The following SGCZ variants were observed in gnomAD, a reference collection of about 807,000 sequenced individuals.
The protein encoded by SGCZ is zeta-sarcoglycan.
In SGCZ, 40 loss-of-function variants were observed where a neutral mutation model predicts 41.3. That is an observed-to-expected ratio of 0.97 (90% CI 0.75 to 1.26). The LOEUF (loss-of-function observed/expected upper bound fraction) is 1.26, where lower values mean the gene tolerates loss of function less well. Ranked by LOEUF, SGCZ falls within the 50% of genes most tolerant of loss-of-function variation. The pLI, the probability that SGCZ is intolerant of heterozygous loss-of-function variation, is 0.00. For synonymous variants in SGCZ, 206 were observed against 137.5 expected, an observed-to-expected ratio of 1.50 and a Z score of -3.49; for missense variants, 552 against 369.8, an observed-to-expected ratio of 1.49 and a Z score of -4.04.
chr8:15,110,934 C>T (rs1055258954), intron 1 of SGCZ, among the ~76,000 whole-genome samples: 1 of 152,066 alleles, frequency 6.6e-6, no homozygotes, highest in African/African-American at 2.4e-5. Context: ...CGCCATTGCA[C>T]TCCAGTCTGG....
intron 1 of SGCZ, among the ~76,000 whole-genome samples, chr8:14,742,310 C>T (rs7010682): frequency 0.35 from 52,907 of 151,826 alleles, 10,932 homozygotes; most frequent in African/African-American, 0.57. Flanking sequence ...CGTGCACGCG[C>T]GCTCACACAC....
chr8:14,790,510 G>A (rs1380654818), intron 1 of SGCZ, among the ~76,000 whole-genome samples: 1 of 152,046 alleles, frequency 6.6e-6, no homozygotes, highest in East Asian at 1.9e-4. Flanking sequence ...TTGGAAAATA[G>A]TCCAAAACAT....
intron 1 of SGCZ, among the ~76,000 whole-genome samples, chr8:15,196,878 A>C (rs1585663693): frequency 6.6e-6 from 1 of 152,226 alleles, no homozygotes; most frequent in Non-Finnish European, 1.5e-5. Context: ...TGGGAGGCCC[A>C]GGCCCCACGG....
At chr8:15,042,011 G>A (rs907703022) in intron 1 of SGCZ, among the ~76,000 whole-genome samples, 10 of 152,084 alleles carry the variant, frequency 6.6e-5, no homozygotes, top group African/African-American at 2.2e-4. Context: ...TATTTAGTAT[G>A]TATATTCTTT....
intron 2 of SGCZ, among the ~76,000 whole-genome samples, chr8:14,457,210 G>GA (rs2116941479): frequency 6.6e-6 from 1 of 152,230 alleles, no homozygotes; most frequent in Admixed American, 6.5e-5. Context: ...CATAGCCTAG[G>GA]AAAAACCAGG....
At position 14,576,611 on chromosome 8, in the gene SGCZ, G is replaced by A. The variant is rs1020695687; in HGVS notation, c.40-21685C>T. On this transcript the variant is annotated intron_variant, in intron 1 of 7. Coordinates refer to ENST00000382080, the MANE Select transcript of SGCZ (RefSeq NM_139167.4). ...TTTAGCAGTCAGTCTCTTGAAAACA[G>A]GGACCTGGAGACATTTGCTCAAAGC... is the stretch of plus-strand genomic sequence containing the variant. Among the ~76,000 whole-genome samples, 6 of 152,150 alleles carry A rather than the reference G, an allele frequency of 3.9e-5. No homozygotes were observed. In the East Asian group the frequency reaches 1.2e-3, roughly 29 times the overall value.
At chr8:14,249,742 G>C (rs148633915) in intron 3 of SGCZ, among the ~76,000 whole-genome samples, 29 of 152,212 alleles carry the variant, frequency 1.9e-4, no homozygotes, top group African/African-American at 7.0e-4. Flanking sequence ...TAAATGTGGG[G>C]TGGGGGGAAT....
chr8:14,386,129 A>C (rs60296458), intron 2 of SGCZ, among the ~76,000 whole-genome samples: 50,038 of 151,954 alleles, frequency 0.33, 9,715 homozygotes, highest in South Asian at 0.5. Flanking sequence ...CAGAATCCAC[A>C]AATACAGAGG....
chr8:15,164,778 A>G (rs1585630262), intron 1 of SGCZ, among the ~76,000 whole-genome samples: 2 of 151,882 alleles, frequency 1.3e-5, no homozygotes, highest in Non-Finnish European at 2.9e-5. Flanking sequence ...TGTGCTTTGC[A>G]TGTCTGTATG....
chr8:14,810,804 T>G (rs930372919), intron 1 of SGCZ, among the ~76,000 whole-genome samples: 1 of 152,062 alleles, frequency 6.6e-6, no homozygotes, highest in African/African-American at 2.4e-5. Context: ...CTTGTTTGTT[T>G]ATTTGAAGAG....
chr8:14,892,712 T>C (rs1191711371), intron 1 of SGCZ, among the ~76,000 whole-genome samples: 1 of 152,186 alleles, frequency 6.6e-6, no homozygotes, highest in East Asian at 1.9e-4. Context: ...TCAACACTTT[T>C]TAACAGTATA....
At chr8:14,456,814 G>C (rs560178164) in intron 2 of SGCZ, among the ~76,000 whole-genome samples, 1 of 152,134 alleles carries the variant, frequency 6.6e-6, no homozygotes, top group African/African-American at 2.4e-5. Flanking sequence ...TGGATCCCTC[G>C]TGGCATACTG....
At chr8:15,054,375 G>C (rs569298480) in intron 1 of SGCZ, among the ~76,000 whole-genome samples, 15 of 152,200 alleles carry the variant, frequency 9.9e-5, no homozygotes, top group Admixed American at 2.6e-4. Context: ...ACGTAGCTTG[G>C]AGGCTATTAA....
At chr8:14,615,291 C>T (rs567234605) in intron 1 of SGCZ, among the ~76,000 whole-genome samples, 1 of 152,274 alleles carries the variant, frequency 6.6e-6, no homozygotes, top group East Asian at 1.9e-4. Flanking sequence ...AGATTTCAGC[C>T]AGTTGCAAGC....
chr8:14,485,498 A>T (rs1341845502), intron 2 of SGCZ, among the ~76,000 whole-genome samples: 2 of 152,096 alleles, frequency 1.3e-5, no homozygotes. Flanking sequence ...AGACTCCCAA[A>T]GTGCTGGGAT....
At chr8:14,783,417 G>A (rs1800650888) in intron 1 of SGCZ, among the ~76,000 whole-genome samples, 1 of 144,358 alleles carries the variant, frequency 6.9e-6, no homozygotes, top group Admixed American at 7.1e-5. Flanking sequence ...CTGGGAGACA[G>A]AAAGAGATTT....
At position 14,447,251 on chromosome 8, in the gene SGCZ, C is replaced by G. The variant is rs566309809; in HGVS notation, c.234+107481G>C. 6.6e-5 allele frequency among the ~76,000 whole-genome samples: 10 copies of G among 152,236 alleles called. No homozygotes were observed. The South Asian group carries it at 1.9e-3, about 28-fold the overall frequency. ...CACATTTATCAAGTAAAGAAGTCATCAGTCAAACCAAGATCTTTTCTTGCT... is the reference window on the plus strand; with the variant it reads ...CACATTTATCAAGTAAAGAAGTCATGAGTCAAACCAAGATCTTTTCTTGCT... On this transcript the variant is annotated intron_variant, in intron 2 of 7. Coordinates refer to ENST00000382080, the MANE Select transcript of SGCZ (RefSeq NM_139167.4).
chr8:14,252,103 A>G (rs980574043), intron 3 of SGCZ, among the ~76,000 whole-genome samples: 2 of 152,204 alleles, frequency 1.3e-5, no homozygotes, highest in East Asian at 1.9e-4. Context: ...CCCATATGGA[A>G]TTCACATTAG....
chr8:14,744,113 A>T (rs981367621), intron 1 of SGCZ, among the ~76,000 whole-genome samples: 1 of 139,552 alleles, frequency 7.2e-6, no homozygotes, highest in Non-Finnish European at 1.5e-5. Flanking sequence ...TTCTCAAAAA[A>T]TTTAAAAAAC....
Sources: allele counts gnomAD v4.1 joint callset (sites outside exome capture counted in the v4.1 genomes callset), GRCh38; gene constraint gnomAD v4.1.1; transcripts MANE v1.5; gene names NCBI Gene and HGNC (gene_info 2026-07-23, HGNC 2026-07-21).